The following IFT52 variants were observed in gnomAD, a reference collection of about 807,000 sequenced individuals.
The protein encoded by IFT52 is intraflagellar transport 52, also known as intraflagellar transport protein 52 homolog.
Under a neutral mutation model 54.4 loss-of-function variants are expected in IFT52, and 44 were observed. The ratio of observed to expected loss-of-function variants is 0.81; its 90% CI spans 0.63 to 1.04. The LOEUF is 1.04. Among genes scored for constraint, IFT52 ranks in the 50% least tolerant of loss-of-function variants. The pLI is 0.00. For missense variants in IFT52, 452 were observed against 523.6 expected, an observed-to-expected ratio of 0.86 and a Z score of 1.33; for synonymous variants, 181 against 185.3, an observed-to-expected ratio of 0.98 and a Z score of 0.19.
chr20:43,601,182 T>G (rs1226502069), intron 3 of IFT52, among the ~76,000 whole-genome samples: 3 of 152,098 alleles, frequency 2.0e-5, no homozygotes, highest in Admixed American at 6.6e-5. Context: ...GCATTAATAT[T>G]TTGCCATATT....
chr20:43,612,093 C>T (rs140988615), intron 6 of IFT52, among the ~76,000 whole-genome samples: 10 of 152,254 alleles, frequency 6.6e-5, no homozygotes, highest in African/African-American at 2.4e-4. Flanking sequence ...AGTGTCCGTT[C>T]TCCCTTATGC....
chr20:43,634,640 G>A (rs372413223), intron 10 of IFT52, among the ~76,000 whole-genome samples: 2 of 143,774 alleles, frequency 1.4e-5, no homozygotes, highest in Non-Finnish European at 3.1e-5. Context: ...TTTATGAGGT[G>A]TTTTTTTTTT....
Position 43,633,717 on chromosome 20 carries a change from A to G in IFT52, c.924-2209A>G, listed in dbSNP as rs545179135. Among the ~76,000 whole-genome samples, 9 of 151,878 alleles carry G rather than the reference A, an allele frequency of 5.9e-5. No individual in the cohort carries two copies. The South Asian group carries it at 1.9e-3, about 32-fold the overall frequency. On this transcript the variant is annotated intron_variant, in intron 10 of 13. Transcript: ENST00000373030. ...AGTGAGACTCTGTCTCAAAAAAATA[A>G]ATAAATAAAAGAGAATTTGGCTGCC...
intron 7 of IFT52, among the ~76,000 whole-genome samples, chr20:43,617,466 C>T (rs192356510): frequency 1.3e-5 from 2 of 150,494 alleles, no homozygotes; most frequent in African/African-American, 2.4e-5. Flanking sequence ...TTTTTTGAGA[C>T]GGAGTCTCAC....
chr20:43,608,422 A>T (rs1007974340), intron 6 of IFT52, among the ~76,000 whole-genome samples: 2 of 152,122 alleles, frequency 1.3e-5, no homozygotes, highest in African/African-American at 4.8e-5. Flanking sequence ...AGTGCATAGG[A>T]TGACCTTTAA....
chr20:43,623,060 A>G (rs1054445045), intron 9 of IFT52, among the ~76,000 whole-genome samples: 1 of 152,044 alleles, frequency 6.6e-6, no homozygotes, highest in African/African-American at 2.4e-5. Flanking sequence ...AAAGAAGCAG[A>G]TAGGGCCTGG....
chr20:43,636,870 GCTA>G (rs1350235659), intron 11 of IFT52, among the ~76,000 whole-genome samples: 1 of 152,154 alleles, frequency 6.6e-6, no homozygotes, highest in African/African-American at 2.4e-5. Context: ...TTTACAGTGG[GCTA>G]ATAATCTTTC....
At chr20:43,623,368 G>A (rs1329668807) in intron 9 of IFT52, among the ~76,000 whole-genome samples, 1 of 151,998 alleles carries the variant, frequency 6.6e-6, no homozygotes, top group African/African-American at 2.4e-5. Context: ...TTGTATTTCT[G>A]TAGTGACAGG....
At chr20:43,602,328 C>T (rs1456633133) in intron 3 of IFT52, among the ~76,000 whole-genome samples, 1 of 151,698 alleles carries the variant, frequency 6.6e-6, no homozygotes, top group East Asian at 1.9e-4. Flanking sequence ...CCACACCTGG[C>T]TATTTGTATT....
intron 1 of IFT52, among the ~76,000 whole-genome samples, chr20:43,592,487 T>A (rs973717174): frequency 1.3e-5 from 2 of 151,582 alleles, no homozygotes; most frequent in African/African-American, 4.9e-5. Flanking sequence ...GGCACGAGAA[T>A]CTCTTGAATC....
chr20:43,647,057 T>C lies in IFT52; in HGVS notation c.*74T>C, dbSNP rs1986254468. On this transcript the variant is annotated 3_prime_UTR_variant, in exon 14 of 14. Coordinates refer to ENST00000373030, the MANE Select transcript of IFT52 (RefSeq NM_016004.5). ...AACTATTTTCAAATTGTTTTTCAAC[T>C]CCTTATCAAAATTGTTTATACACTC... 7.5e-7 allele frequency: 1 copy of C among 1,331,552 alleles called. No individual in the cohort carries two copies. Among genetic ancestry groups the C allele is most frequent in the Non-Finnish European group, 1.1e-6 (1 of 924,394 alleles). The allele number at this position is 1,331,552 out of a possible 1,614,324, so 82.5% of individuals were successfully genotyped here.
rs1982192291 is a variant in IFT52, at chr20:43,598,681, C to T, written c.207+2159C>T. On this transcript the variant is annotated intron_variant, in intron 3 of 13. Transcript: ENST00000373030. ...CCGCACTCCAGCCTGGCGACAGAGA[C>T]CCTGTCTGAAAAGAAAAAACAAACA... Among the ~76,000 whole-genome samples, 4 of 152,044 alleles carry T rather than the reference C, an allele frequency of 2.6e-5. 1 individual carries two copies. In the South Asian group the frequency reaches 8.3e-4, roughly 32 times the overall value.
intron 10 of IFT52, among the ~76,000 whole-genome samples, chr20:43,628,404 T>C (rs1984905441): frequency 1.3e-5 from 2 of 152,200 alleles, no homozygotes; most frequent in African/African-American, 4.8e-5. Flanking sequence ...CCAGCAGCTT[T>C]GTTTACGCTG....
intron 3 of IFT52, 145 bp downstream of exon 3, chr20:43,596,667 G>A: frequency 5.6e-6 from 3 of 534,038 alleles, no homozygotes; most frequent in South Asian, 4.0e-5. Context: ...GAGTTGTGAT[G>A]ATTAACTGAG....
chr20:43,640,638 T>G (rs1039639402), intron 12 of IFT52, among the ~76,000 whole-genome samples: 5 of 152,204 alleles, frequency 3.3e-5, no homozygotes, highest in African/African-American at 1.2e-4. Flanking sequence ...AGGTAGTTGG[T>G]GGCAGTAGAA....
At chr20:43,606,139 T>C (rs1982858311) in intron 6 of IFT52, among the ~76,000 whole-genome samples, 2 of 151,902 alleles carry the variant, frequency 1.3e-5, no homozygotes, top group African/African-American at 4.8e-5. Flanking sequence ...GAGAATCACT[T>C]GAACCTGGGA....
At position 43,624,012 on chromosome 20, in the gene IFT52, A is replaced by C. The variant is rs151235796; in HGVS notation, c.890A>C (p.Gln297Pro). ...FTTLFDLSIF[Q>P]LDTTSFHSVI... ...ACCCTCTTCGACCTGTCCATCTTCCAGCTGGATACCACCTCCTTCCACAGC... is the reference window on the plus strand; with the variant it reads ...ACCCTCTTCGACCTGTCCATCTTCCCGCTGGATACCACCTCCTTCCACAGC... Residue 297 changes from glutamine (Q) to proline (P), a missense_variant, in exon 10 of 14, where the codon CAG becomes CCG. Transcript: ENST00000373030. 1 of 1,614,052 alleles carries C rather than the reference A, an allele frequency of 6.2e-7. No homozygotes were observed. Among genetic ancestry groups the C allele is most frequent in the African/African-American group, 1.3e-5 (1 of 74,912 alleles).
chr20:43,593,778 G>A (rs1021541749), intron 1 of IFT52, among the ~76,000 whole-genome samples: 1 of 151,916 alleles, frequency 6.6e-6, no homozygotes, highest in Non-Finnish European at 1.5e-5. Flanking sequence ...TATCCAGGCT[G>A]GTCTGGAACT....
chr20:43,628,601 C>T (rs1368688851), intron 10 of IFT52, among the ~76,000 whole-genome samples: 1 of 152,160 alleles, frequency 6.6e-6, no homozygotes, highest in African/African-American at 2.4e-5. Flanking sequence ...GCCTGTAATC[C>T]CAGCACTTTG....
Sources: gnomAD v4.1 joint callset for allele counts (sites outside exome capture counted in the v4.1 genomes callset) on GRCh38, gnomAD v4.1.1 for gene constraint, MANE v1.5 for transcripts, NCBI Gene and HGNC (gene_info 2026-07-23, HGNC 2026-07-21) for gene names.